The following SLC22A3 variants were observed in gnomAD, a reference collection of about 807,000 sequenced individuals.
The protein encoded by SLC22A3 is solute carrier family 22 member 3, also known as EMT organic cation transporter 3.
SLC22A3 carries 51 observed loss-of-function variants against 59.1 expected under a neutral mutation model. That is an observed-to-expected ratio of 0.86 (90% CI 0.69 to 1.09). The LOEUF (loss-of-function observed/expected upper bound fraction) is 1.09. Among genes scored for constraint, SLC22A3 ranks in the 50% least tolerant of loss-of-function variants. SLC22A3 has a pLI of 0.00. For synonymous variants in SLC22A3, 325 were observed against 292.0 expected, an observed-to-expected ratio of 1.11 and a Z score of -1.15; for missense variants, 711 against 726.3, an observed-to-expected ratio of 0.98 and a Z score of 0.24.
At chr6:160,380,231 T>C (rs1785746069) in intron 1 of SLC22A3, among the ~76,000 whole-genome samples, 1 of 152,164 alleles carries the variant, frequency 6.6e-6, no homozygotes, top group African/African-American at 2.4e-5. Flanking sequence ...ACTGGAATAA[T>C]AAACTGAAAT....
At chr6:160,366,957 G>A (rs914985482) in intron 1 of SLC22A3, among the ~76,000 whole-genome samples, 1 of 152,074 alleles carries the variant, frequency 6.6e-6, no homozygotes, top group African/African-American at 2.4e-5. Flanking sequence ...ACATTTTCCT[G>A]TCTTCTTCTG....
At chr6:160,449,770 G>A (rs1485844951) in intron 10 of SLC22A3, among the ~76,000 whole-genome samples, 1 of 152,160 alleles carries the variant, frequency 6.6e-6, no homozygotes, top group Non-Finnish European at 1.5e-5. Context: ...AATAAAAAGA[G>A]TACAAAGAGA....
At chr6:160,431,680 C>G (rs1164632746) in intron 5 of SLC22A3, among the ~76,000 whole-genome samples, 1 of 151,866 alleles carries the variant, frequency 6.6e-6, no homozygotes, top group Admixed American at 6.6e-5. Context: ...AGACTTATAC[C>G]AGGTATTTTT....
chr6:160,348,643 C>G lies in SLC22A3; in HGVS notation c.224C>G (p.Ala75Gly). The G allele has an allele frequency of 6.7e-7, 1 of 1,503,106 alleles. No individual in the cohort carries two copies. Among genetic ancestry groups the G allele is most frequent in the Non-Finnish European group, 8.8e-7 (1 of 1,133,846 alleles). The allele number at this position is 1,503,106 out of a possible 1,614,324, so 93.1% of individuals were successfully genotyped here. ...WSPEEEWNRT[A>G]PASRGPEPPE... ...CCGGAGGAGGAGTGGAACCGCACGG[C>G]GCCCGCCTCCCGCGGCCCAGAGCCC... is the stretch of plus-strand genomic sequence containing the variant. Residue 75 changes from alanine (A) to glycine (G), a missense_variant, in exon 1 of 11, where the codon GCG (alanine) becomes GGG (glycine). Physicochemically the swap from Ala to Gly is moderately conservative, Grantham distance 60. Transcript: ENST00000275300.
intron 1 of SLC22A3, among the ~76,000 whole-genome samples, chr6:160,396,443 C>G (rs566793899): frequency 6.6e-6 from 1 of 152,222 alleles, no homozygotes; most frequent in African/African-American, 2.4e-5. Context: ...GGTGATAGAT[C>G]ACTGTGAATC....
chr6:160,437,094 C>G lies in SLC22A3; in HGVS notation c.1171C>G (p.Leu391Val), dbSNP rs1788368466. 1 of 1,614,186 alleles carries G rather than the reference C, an allele frequency of 6.2e-7. No homozygotes were observed. Among genetic ancestry groups the G allele is most frequent in the Non-Finnish European group, 8.5e-7 (1 of 1,180,014 alleles). The change falls in exon 7 of 11, where the codon CTG (leucine) becomes GTG (valine). Residue 391 changes from leucine (L) to valine (V), a missense_variant. Transcript: ENST00000275300. ...CTTTTTCATCTCGGGCGTGGTGGAA[C>G]TGCCAGGAGCTCTCTTGATCTTACT... is the stretch of plus-strand genomic sequence containing the variant. ...IDFFISGVVELPGALLILLTI... is the reference protein window; with the variant it reads ...IDFFISGVVEVPGALLILLTI...
intron 5 of SLC22A3, among the ~76,000 whole-genome samples, chr6:160,418,550 C>G (rs1043373039): frequency 6.6e-6 from 1 of 152,176 alleles, no homozygotes; most frequent in Admixed American, 6.5e-5. Flanking sequence ...TTTTGTCCCT[C>G]TAGAGAACCT....
At chr6:160,409,679 GA>G (rs1215821755) in intron 4 of SLC22A3, among the ~76,000 whole-genome samples, 2 of 152,116 alleles carry the variant, frequency 1.3e-5, no homozygotes, top group African/African-American at 4.8e-5. Context: ...CATGCTTTGA[GA>G]ATTTTTAGAG....
intron 1 of SLC22A3, among the ~76,000 whole-genome samples, chr6:160,354,006 T>A (rs901416888): frequency 1.3e-5 from 2 of 152,130 alleles, no homozygotes; most frequent in Non-Finnish European, 2.9e-5. Flanking sequence ...GGGCAACTGA[T>A]AATAAAATCC....
Position 160,348,841 on chromosome 6 carries a change from T to C in SLC22A3, c.422T>C (p.Val141Ala), listed in dbSNP as rs759847186. ...TACGCCCAGGCCCACTCCACCATCG[T>C]CAGCGAGGTAAGGGCGCCCCGGCCC... Reference protein sequence around the residue: ...WRYAQAHSTIVSEFDLVCVNA... With the variant: ...WRYAQAHSTIASEFDLVCVNA... The change falls in exon 1 of 11, where the codon GTC (valine) becomes GCC (alanine). Residue 141 changes from valine to alanine, a missense_variant. Transcript: ENST00000275300. 2.5e-6 allele frequency: 4 copies of C among 1,584,514 alleles called. No homozygotes were observed. The highest frequency in any genetic ancestry group is 3.4e-6 in the Non-Finnish European group (4 of 1,173,676).
intron 1 of SLC22A3, among the ~76,000 whole-genome samples, chr6:160,385,945 G>GA (rs143952752): frequency 0.024 from 3,693 of 152,118 alleles, 147 homozygotes; most frequent in Middle Eastern, 0.11. Flanking sequence ...GTGACTCAGT[G>GA]ACCTTTAGGA....
intron 1 of SLC22A3, among the ~76,000 whole-genome samples, chr6:160,385,103 T>C (rs4235926): frequency 0.46 from 70,659 of 152,110 alleles, 16,715 homozygotes; most frequent in East Asian, 0.56. Context: ...TTTTTCATGA[T>C]TAATTGCTCT....
intron 10 of SLC22A3, among the ~76,000 whole-genome samples, chr6:160,449,418 C>T (rs1270508945): frequency 1.3e-5 from 2 of 151,710 alleles, no homozygotes; most frequent in Admixed American, 6.6e-5. Context: ...ATTAATTATA[C>T]CTAGTCTCTA....
intron 7 of SLC22A3, among the ~76,000 whole-genome samples, chr6:160,441,821 T>C (rs141002876): frequency 1.3e-5 from 2 of 152,202 alleles, no homozygotes; most frequent in Admixed American, 6.5e-5. Context: ...ACATGAACAC[T>C]GGACATGCTT....
At position 160,398,001 on chromosome 6, in the gene SLC22A3, C is replaced by T. The variant is rs1308157387; in HGVS notation, c.452C>T (p.Ala151Val). The T allele has an allele frequency of 1.9e-6, 3 of 1,613,388 alleles. No individual in the cohort carries two copies. Among genetic ancestry groups the T allele is most frequent in the East Asian group, 2.2e-5 (1 of 44,850 alleles). The change falls in exon 2 of 11, where the codon GCG becomes GTG. Residue 151 changes from alanine to valine, a missense_variant. Ala to Val is a moderately conservative substitution (Grantham distance 64). Coordinates refer to ENST00000275300, the MANE Select transcript of SLC22A3 (RefSeq NM_021977.4). ...CAGTTTGACCTTGTCTGTGTCAATG[C>T]GTGGATGCTGGACCTCACCCAAGCC... is the stretch of plus-strand genomic sequence containing the variant. ...VSEFDLVCVNAWMLDLTQAIL... is the reference protein window; with the variant it reads ...VSEFDLVCVNVWMLDLTQAIL...
intron 1 of SLC22A3, among the ~76,000 whole-genome samples, chr6:160,386,597 TG>T (rs1786026783): frequency 6.6e-6 from 1 of 151,018 alleles, no homozygotes; most frequent in African/African-American, 2.4e-5. Context: ...GGAAGGGGAG[TG>T]GGGCAGAGTG....
In SLC22A3 at chr6:160,410,800, G is replaced by A. The variant is rs753918761; in HGVS notation, c.929G>A (p.Arg310His). The A allele has an allele frequency of 2.5e-5, 41 of 1,612,690 alleles. No individual in the cohort carries two copies. The highest frequency in any genetic ancestry group is 3.2e-5 in the Non-Finnish European group (38 of 1,179,140). Residue 310 changes from arginine to histidine, a missense_variant, in exon 5 of 11, where the codon CGC (arginine) becomes CAC (histidine). Coordinates refer to ENST00000275300, the MANE Select transcript of SLC22A3 (RefSeq NM_021977.4). ...GATAAAGCATTACAGATCCTGAGAC[G>A]CATTGCTAAGTGCAATGGGAAATAC... ...KGDKALQILR[R>H]IAKCNGKYLS...
intron 1 of SLC22A3, among the ~76,000 whole-genome samples, chr6:160,361,967 G>C (rs747967788): frequency 1.4e-4 from 22 of 152,122 alleles, no homozygotes; most frequent in Non-Finnish European, 2.9e-4. Flanking sequence ...ATGAAACATC[G>C]TTTAAAGTAA....
intron 1 of SLC22A3, 158 bp downstream of exon 1, chr6:160,349,006 G>C: frequency 1.0e-6 from 1 of 985,446 alleles, no homozygotes; most frequent in Non-Finnish European, 1.2e-6. Context: ...CGCACCCTTG[G>C]AAGTGCCGCG....
Sources: allele counts gnomAD v4.1 joint callset (sites outside exome capture counted in the v4.1 genomes callset), GRCh38; gene constraint gnomAD v4.1.1; transcripts MANE v1.5; gene names NCBI Gene and HGNC (gene_info 2026-07-23, HGNC 2026-07-21).